KIAA0232: variants seen among roughly 807,000 people sequenced by gnomAD.
KIAA0232 encodes uncharacterized protein KIAA0232.
In KIAA0232, 27 loss-of-function variants were observed where a neutral mutation model predicts 122.0. The observed-to-expected ratio is 0.22, with a 90% CI of 0.16 to 0.31. The LOEUF (loss-of-function observed/expected upper bound fraction) is 0.31. KIAA0232 is among the 10% of genes least tolerant of loss of function. The probability of loss-of-function intolerance (pLI) is 1.00; values close to 1 mark genes in which losing one functional copy is unlikely to be tolerated. For synonymous variants in KIAA0232, 613 were observed against 587.6 expected, an observed-to-expected ratio of 1.04 and a Z score of -0.63; for missense variants, 1,551 against 1,634.2, an observed-to-expected ratio of 0.95 and a Z score of 0.88.
chr4:6,841,096 C>T (rs754826963), intron 3 of KIAA0232, among the ~76,000 whole-genome samples: 11 of 152,112 alleles, frequency 7.2e-5, no homozygotes, highest in East Asian at 3.9e-4. Flanking sequence ...TGTGATGTTT[C>T]TTAATTCAAC....
intron 1 of KIAA0232, among the ~76,000 whole-genome samples, chr4:6,800,038 TCTTTC>T (rs1717310791): frequency 8.3e-6 from 1 of 121,022 alleles, no homozygotes; most frequent in Non-Finnish European, 1.7e-5. Context: ...TTTCTTTCTT[TCTTTC>T]TTTTTTTTTT....
intron 3 of KIAA0232, among the ~76,000 whole-genome samples, chr4:6,839,834 G>C (rs554212813): frequency 1.4e-4 from 21 of 152,246 alleles, no homozygotes; most frequent in African/African-American, 4.6e-4. Context: ...GGTCAGTGAG[G>C]AGGTCATCAC....
At chr4:6,819,217 C>A (rs972680480) in intron 2 of KIAA0232, among the ~76,000 whole-genome samples, 5 of 152,078 alleles carry the variant, frequency 3.3e-5, no homozygotes, top group Non-Finnish European at 5.9e-5. Flanking sequence ...CGAACATTGA[C>A]AAATGAGATC....
intron 2 of KIAA0232, among the ~76,000 whole-genome samples, chr4:6,812,433 T>C (rs1466615344): frequency 2.0e-5 from 3 of 152,076 alleles, no homozygotes; most frequent in Non-Finnish European, 4.4e-5. Context: ...GGTGACATAA[T>C]GCCAGGTGAA....
At chr4:6,825,194 C>T (rs953681050) in intron 3 of KIAA0232, among the ~76,000 whole-genome samples, 1 of 152,108 alleles carries the variant, frequency 6.6e-6, no homozygotes, top group Non-Finnish European at 1.5e-5. Context: ...TGCTATAAGT[C>T]AGGATGTGTC....
chr4:6,871,810 G>A (rs961967589), intron 8 of KIAA0232, 128 bp downstream of exon 8: 20 of 631,482 alleles, frequency 3.2e-5, no homozygotes, highest in Non-Finnish European at 4.0e-5. Context: ...GTAGCACTTT[G>A]TCATGCACTG....
chr4:6,839,650 G>T (rs1719538582), intron 3 of KIAA0232, among the ~76,000 whole-genome samples: 1 of 152,214 alleles, frequency 6.6e-6, no homozygotes, highest in African/African-American at 2.4e-5. Flanking sequence ...TCAGAAAAGA[G>T]TATGCTGAGG....
At chr4:6,850,232 A>G (rs1288301294) in intron 4 of KIAA0232, among the ~76,000 whole-genome samples, 1 of 152,212 alleles carries the variant, frequency 6.6e-6, no homozygotes, top group Non-Finnish European at 1.5e-5. Flanking sequence ...ATGATGGCCC[A>G]GTGAATCCCT....
rs534318430 is a variant in KIAA0232, at chr4:6,848,193, A to G, written c.369+5989A>G. On this transcript the variant is annotated intron_variant, in intron 4 of 9. Transcript: ENST00000307659. ...ATTCTCACATTGAGCTAAGTCTACC[A>G]GTAAAATTCTTTTTGCCAGTAAAAG... Among the ~76,000 whole-genome samples, 142 of 152,372 alleles carry G rather than the reference A, an allele frequency of 9.3e-4. 1 individual carries two copies. The Middle Eastern group carries it at 0.01, about 11-fold the overall frequency.
chr4:6,824,479 T>C lies in KIAA0232; in HGVS notation c.26T>C (p.Val9Ala). 1 of 1,614,214 alleles carries C rather than the reference T, an allele frequency of 6.2e-7. No individual in the cohort carries two copies. The highest frequency in any genetic ancestry group is 8.5e-7 in the Non-Finnish European group (1 of 1,180,016). Reference protein sequence around the residue: MYPICTVVVDGLPSESSSS... With the variant: MYPICTVVADGLPSESSSS... Reference sequence around the variant, plus strand: ...ATGTACCCTATCTGTACAGTTGTTGTGGATGGTTTGCCATCTGAAAGCTCC... The same window carrying C: ...ATGTACCCTATCTGTACAGTTGTTGCGGATGGTTTGCCATCTGAAAGCTCC... The change falls in exon 3 of 10, where the codon GTG becomes GCG. Residue 9 changes from valine to alanine, a missense_variant. By Grantham distance (64) the Val-to-Ala change is moderately conservative (BLOSUM62 0). Around this residue, in one of 5 missense-constraint regions of KIAA0232, gnomAD observed 37 missense variants for 28.5 expected, o/e 1.30. Coordinates refer to ENST00000307659, the MANE Select transcript of KIAA0232 (RefSeq NM_014743.3).
intron 2 of KIAA0232, among the ~76,000 whole-genome samples, chr4:6,814,453 A>G (rs113814832): frequency 4.0e-3 from 612 of 152,136 alleles, no homozygotes; most frequent in African/African-American, 0.013. Flanking sequence ...AATAATTACT[A>G]TTCTTCATAT....
intron 4 of KIAA0232, among the ~76,000 whole-genome samples, chr4:6,845,760 T>G (rs1399832965): frequency 6.6e-6 from 1 of 152,196 alleles, no homozygotes; most frequent in African/African-American, 2.4e-5. Context: ...GCCTAGCCTT[T>G]GACTCACGGT....
intron 2 of KIAA0232, among the ~76,000 whole-genome samples, chr4:6,815,209 C>A (rs967192880): frequency 1.3e-5 from 2 of 152,214 alleles, no homozygotes; most frequent in African/African-American, 2.4e-5. Flanking sequence ...TGTTCCTCAT[C>A]ATGCCAGGTG....
intron 4 of KIAA0232, among the ~76,000 whole-genome samples, chr4:6,842,427 C>T (rs887209590): frequency 2.6e-5 from 4 of 152,066 alleles, no homozygotes; most frequent in Non-Finnish European, 4.4e-5. Context: ...AGAGTATACA[C>T]AAAATTTTAT....
chr4:6,811,091 A>G (rs1288796939), intron 2 of KIAA0232, among the ~76,000 whole-genome samples: 2 of 152,216 alleles, frequency 1.3e-5, no homozygotes, highest in Non-Finnish European at 2.9e-5. Context: ...CAGCATTCCC[A>G]CTGTTGAGTA....
At chr4:6,847,957 G>A (rs1371548494) in intron 4 of KIAA0232, among the ~76,000 whole-genome samples, 1 of 152,126 alleles carries the variant, frequency 6.6e-6, no homozygotes, top group African/African-American at 2.4e-5. Context: ...AGGATGGTTA[G>A]AAGATTAGAA....
chr4:6,809,166 A>G (rs191225326), intron 2 of KIAA0232, among the ~76,000 whole-genome samples: 41 of 152,234 alleles, frequency 2.7e-4, no homozygotes, highest in Non-Finnish European at 5.1e-4. Flanking sequence ...TTATGATCCT[A>G]TTATTATTGT....
chr4:6,830,051 G>T (rs1436076203), intron 3 of KIAA0232, among the ~76,000 whole-genome samples: 1 of 152,196 alleles, frequency 6.6e-6, no homozygotes, highest in Non-Finnish European at 1.5e-5. Context: ...TTAGGAGTCT[G>T]TGATGATAAC....
chr4:6,869,042 C>A (rs1341109580), intron 7 of KIAA0232, among the ~76,000 whole-genome samples: 1 of 152,122 alleles, frequency 6.6e-6, no homozygotes, highest in Non-Finnish European at 1.5e-5. Flanking sequence ...TGCGGGGCCC[C>A]ATACTTGGGA....
Sources: gnomAD v4.1 joint callset for allele counts (sites outside exome capture counted in the v4.1 genomes callset) on GRCh38, gnomAD v4.1.1 for gene constraint, gnomAD v4.1.1 regional missense constraint, MANE v1.5 for transcripts, NCBI Gene and HGNC (gene_info 2026-07-23, HGNC 2026-07-21) for gene names.